TEAD2: variants seen among roughly 807,000 people sequenced by gnomAD.
TEAD2 encodes transcriptional enhancer factor TEF-4.
A neutral mutation model predicts 61.4 loss-of-function variants in TEAD2; 51 were observed. The observed-to-expected ratio is 0.83, with a 90% confidence interval of 0.66 to 1.05. The LOEUF is 1.05. Ranked by LOEUF, TEAD2 falls within the 50% of genes least tolerant of loss-of-function variation. The pLI is 0.00. For synonymous variants in TEAD2, 244 were observed against 243.2 expected (o/e 1.00, Z -0.03); for missense variants, 509 against 600.0 (o/e 0.85, Z 1.58).
In TEAD2 at chr19:49,356,113, G is replaced by A. The variant is rs540778558; in HGVS notation, c.361-143C>T. ...CTGAGCAGTGCCAAGGGATGGATGC[G>A]CAACAGGAAGTGGAGGTGGCCAGCC... On this transcript the variant is annotated intron_variant, in intron 4 of 12. Coordinates refer to ENST00000593945, the MANE Select transcript of TEAD2 (RefSeq NM_001256660.2). 3.4e-5 allele frequency: 20 copies of A among 580,130 alleles called. No homozygotes were observed. In the East Asian group the frequency reaches 4.2e-4, roughly 12 times the overall value. The allele number at this position is 580,130 out of a possible 1,614,324, so 35.9% of individuals were successfully genotyped here. A position where few individuals can be genotyped will look rare whatever the true frequency, so the allele number is the denominator to read the frequency against.
At chr19:49,342,136 G>A (rs1971318305) in intron 12 of TEAD2, among the ~76,000 whole-genome samples, 1 of 152,060 alleles carries the variant, frequency 6.6e-6, no homozygotes, top group Admixed American at 6.6e-5. Flanking sequence ...AGGTTGCAGT[G>A]AGCCGAGATC....
chr19:49,350,429 C>T (rs1971939808), intron 8 of TEAD2, among the ~76,000 whole-genome samples: 1 of 152,128 alleles, frequency 6.6e-6, no homozygotes, highest in African/African-American at 2.4e-5. Flanking sequence ...AAGTGATTCT[C>T]CTGCCTCAGC....
At chr19:49,346,105 C>A (rs550602615) in intron 10 of TEAD2, among the ~76,000 whole-genome samples, 1 of 140,868 alleles carries the variant, frequency 7.1e-6, no homozygotes, top group African/African-American at 2.7e-5. Context: ...GCAGAGGTTG[C>A]AGTGAGCCGA....
At chr19:49,348,014 T>C (rs1971760070) in intron 9 of TEAD2, among the ~76,000 whole-genome samples, 1 of 151,928 alleles carries the variant, frequency 6.6e-6, no homozygotes, top group Non-Finnish European at 1.5e-5. Context: ...GGCCTGAGAG[T>C]CGACACATCC....
intron 7 of TEAD2, among the ~76,000 whole-genome samples, chr19:49,351,783 C>T (rs975760912): frequency 2.0e-5 from 3 of 151,906 alleles, no homozygotes; most frequent in African/African-American, 4.8e-5. Flanking sequence ...GTCAGGAGTT[C>T]GAGACCAGCC....
chr19:49,355,102 T>G, intron 7 of TEAD2, 46 bp downstream of exon 7: 1 of 1,507,962 alleles, frequency 6.6e-7, no homozygotes, highest in Non-Finnish European at 9.1e-7. Flanking sequence ...TCTGTGGGAG[T>G]GTGAGGGTGG....
At chr19:49,343,866 G>GGT (rs1304067102) in intron 10 of TEAD2, among the ~76,000 whole-genome samples, 2 of 127,616 alleles carry the variant, frequency 1.6e-5, no homozygotes, top group African/African-American at 5.4e-5. Flanking sequence ...GGGGGGGGGG[G>GGT]AACAGGGTCT....
Position 49,355,448 on chromosome 19 carries a change from GA to G in TEAD2, c.373-30del, listed in dbSNP as rs762066973. 5 of 1,587,070 alleles carry G rather than the reference GA, an allele frequency of 3.2e-6. No homozygotes were observed. The South Asian group carries it at 3.3e-5, about 11-fold the overall frequency. ...GAGGAGGAGGCGGAAGTTCATGTGA[GA>G]GGGGCATCTCAGTCAACATGGCAAG... On this transcript the variant is annotated intron_variant, in intron 5 of 12. Transcript: ENST00000593945.
rs547923086 is a variant in TEAD2 at position 49,359,995 on chromosome 19, G to A, written c.81C>T (p.Thr27=). The stretch of plus-strand genomic sequence containing the variant: ...CACCCCCAGCCCCCTCACTGCCGCC[G>A]GTACCCTCCTCACTGCCTTCCTCAC... The part of the protein sequence containing the change: ...TGSEEGSEEG[T]GGSEGAGGDG... The change falls in exon 2 of 13, where the codon ACC becomes ACT. Residue 27 remains threonine, a synonymous_variant. Coordinates refer to ENST00000593945, the MANE Select transcript of TEAD2 (RefSeq NM_001256660.2). This position sits in a 1 kb window ranked among gnomAD's most constrained non-coding sequence, Gnocchi z 4.1. 24 of 1,609,138 alleles carry A rather than the reference G, an allele frequency of 1.5e-5. No individual in the cohort carries two copies. In the East Asian group the frequency reaches 2.5e-4, roughly 16 times the overall value.
chr19:49,356,445 C>A (rs1394969758), intron 4 of TEAD2, among the ~76,000 whole-genome samples: 2 of 150,802 alleles, frequency 1.3e-5, no homozygotes, highest in Admixed American at 6.6e-5. Flanking sequence ...ACAGAAAAAC[C>A]CCCACACACC....
intron 8 of TEAD2, among the ~76,000 whole-genome samples, chr19:49,350,838 C>A (rs62126193): frequency 1.3e-5 from 2 of 152,134 alleles, no homozygotes; most frequent in African/African-American, 4.8e-5. Flanking sequence ...CCGGCTCCCC[C>A]GCCCCCAACA....
intron 1 of TEAD2, chr19:49,360,360 C>A: frequency 2.5e-6 from 1 of 401,614 alleles, no homozygotes. Flanking sequence ...TCTGAGGGAG[C>A]GGGGGCTGGA....
Position 49,342,495 on chromosome 19 carries a change from C to T in TEAD2, c.1185G>A (p.Arg395=). The T allele has an allele frequency of 6.2e-7, 1 of 1,614,200 alleles. No individual in the cohort carries two copies. ...TCATCATGTATCGCTCAGGCAGCTG[C>T]CGCAACTTGTGCAAGAAATTCACCA... The part of the protein sequence containing the change: ...EYLVNFLHKL[R]QLPERYMMNS... The change falls in exon 12 of 13, where the codon CGG becomes CGA. Residue 395 remains arginine, a synonymous_variant. Coordinates refer to ENST00000593945, the MANE Select transcript of TEAD2 (RefSeq NM_001256660.2).
In TEAD2 at chr19:49,341,166, G is replaced by A. The variant is rs1396319446; in HGVS notation, c.*158C>T. On this transcript the variant is annotated 3_prime_UTR_variant, in exon 13 of 13. Transcript: ENST00000593945. The surrounding 1 kb of genome is among the most constrained non-coding windows in gnomAD (Gnocchi z 4.2). ...TCAGCTCTCCAACCAAGTTTTGGGGGCCCCTCTAATGGGGGGGATGGCCCC... is the reference window on the plus strand; with the variant it reads ...TCAGCTCTCCAACCAAGTTTTGGGGACCCCTCTAATGGGGGGGATGGCCCC... 1 of 634,916 alleles carries A rather than the reference G, an allele frequency of 1.6e-6. No homozygotes were observed. The highest frequency in any genetic ancestry group is 2.7e-6 in the Non-Finnish European group (1 of 367,652). 39.3% of individuals were successfully genotyped at this position (634,916 alleles called of 1,614,324 possible). A position where few individuals can be genotyped will look rare whatever the true frequency, so the allele number is the denominator to read the frequency against.
At chr19:49,347,926 T>C (rs951041899) in intron 9 of TEAD2, among the ~76,000 whole-genome samples, 2 of 152,228 alleles carry the variant, frequency 1.3e-5, no homozygotes, top group African/African-American at 4.8e-5. Context: ...CTTTACACAG[T>C]GTGAAACTAC....
At chr19:49,349,807 G>A (rs1335441996) in intron 8 of TEAD2, among the ~76,000 whole-genome samples, 3 of 152,032 alleles carry the variant, frequency 2.0e-5, no homozygotes, top group Non-Finnish European at 4.4e-5. Flanking sequence ...CCAGTTTCAG[G>A]CATTCCTTTA....
chr19:49,358,921 T>C (rs1428128049), intron 3 of TEAD2, among the ~76,000 whole-genome samples: 1 of 151,714 alleles, frequency 6.6e-6, no homozygotes, highest in Non-Finnish European at 1.5e-5. Context: ...TGGCCCAGCC[T>C]AAAGCTCTTT....
At chr19:49,358,275 T>C (rs1192655456) in intron 3 of TEAD2, among the ~76,000 whole-genome samples, 2 of 151,878 alleles carry the variant, frequency 1.3e-5, no homozygotes, top group African/African-American at 4.8e-5. Context: ...ATTTGCCAGA[T>C]GTGGAGGCGC....
chr19:49,348,021 A>C (rs1287319745), intron 9 of TEAD2, among the ~76,000 whole-genome samples: 2 of 152,206 alleles, frequency 1.3e-5, no homozygotes, highest in East Asian at 3.8e-4. Context: ...GAGTCGACAC[A>C]TCCAAGTCAG....
Sources: gnomAD v4.1 joint callset for allele counts (sites outside exome capture counted in the v4.1 genomes callset) on GRCh38, gnomAD v4.1.1 for gene constraint, Gnocchi (gnomAD v3.1) non-coding constraint, MANE v1.5 for transcripts, NCBI Gene and HGNC (gene_info 2026-07-23, HGNC 2026-07-21) for gene names.